PAK3: variants seen among roughly 807,000 people sequenced by gnomAD.
PAK3 encodes p21 (RAC1) activated kinase 3, also known as serine/threonine-protein kinase PAK 3.
A neutral mutation model predicts 41.0 loss-of-function variants in PAK3; 4 were observed. The observed-to-expected ratio is 0.10, with a 90% CI of 0.05 to 0.22. The LOEUF is 0.22. Among genes scored for constraint, PAK3 ranks in the 10% least tolerant of loss-of-function variants. The pLI is 1.00. For synonymous variants in PAK3, 146 were observed against 139.6 expected, an observed-to-expected ratio of 1.05 and a Z score of -0.32; for missense variants, 205 against 409.9, an observed-to-expected ratio of 0.50 and a Z score of 4.32.
chrX:111,194,207 A>G, intron 13 of PAK3, 94 bp from the exon 14 acceptor site: 2 of 595,856 alleles, frequency 3.4e-6, no homozygotes, highest in South Asian at 2.2e-5. Context: ...AGCACAACTC[A>G]GAGTTGACTT....
intron 16 of PAK3, among the ~76,000 whole-genome samples, chrX:111,204,627 G>A (rs1277507922): frequency 9.0e-6 from 1 of 111,120 alleles, no homozygotes; most frequent in African/African-American, 3.3e-5. Context: ...TTGTCATTTT[G>A]ATTGATACCT....
chrX:111,069,677 G>A (rs1431668772), intron 1 of PAK3, among the ~76,000 whole-genome samples: 1 of 109,519 alleles, frequency 9.1e-6, no homozygotes, highest in Non-Finnish European at 1.9e-5. Flanking sequence ...CCTTTAGACT[G>A]CTTTCATGGT....
intron 1 of PAK3, among the ~76,000 whole-genome samples, chrX:110,990,321 G>C (rs2091620292): frequency 8.9e-6 from 1 of 112,128 alleles, no homozygotes; most frequent in Admixed American, 9.5e-5. Flanking sequence ...AACGATGAGG[G>C]TATAGTATCA....
At chrX:110,978,286 C>T (rs981296413) in intron 1 of PAK3, among the ~76,000 whole-genome samples, 1 of 110,158 alleles carries the variant, frequency 9.1e-6, no homozygotes, top group African/African-American at 3.3e-5. Flanking sequence ...TTTCATTTGG[C>T]TATTTTTTTG....
intron 1 of PAK3, among the ~76,000 whole-genome samples, chrX:111,018,953 T>C (rs936743673): frequency 9.0e-6 from 1 of 111,617 alleles, no homozygotes; most frequent in African/African-American, 3.3e-5. Context: ...GGTACCTTTT[T>C]GTACCCTTTT....
intron 1 of PAK3, among the ~76,000 whole-genome samples, chrX:110,971,467 T>A (rs1387341965): frequency 8.9e-6 from 1 of 112,415 alleles, no homozygotes; most frequent in Non-Finnish European, 1.9e-5. Flanking sequence ...GCACATACCA[T>A]AATTTGTTTA....
At chrX:110,949,390 T>A (rs904556522) in intron 1 of PAK3, among the ~76,000 whole-genome samples, 2 of 111,875 alleles carry the variant, frequency 1.8e-5, no homozygotes, top group Non-Finnish European at 3.8e-5. Flanking sequence ...GATTTGATCA[T>A]CCTAGTCCTT....
At chrX:110,956,048 A>G (rs1331619211) in intron 1 of PAK3, among the ~76,000 whole-genome samples, 1 of 111,876 alleles carries the variant, frequency 8.9e-6, no homozygotes, top group Non-Finnish European at 1.9e-5. Context: ...TAATATTAGT[A>G]CTTACCTCAC....
At chrX:111,138,239 C>T (rs762899993) in intron 5 of PAK3, among the ~76,000 whole-genome samples, 12 of 110,664 alleles carry the variant, frequency 1.1e-4, no homozygotes, top group Non-Finnish European at 1.9e-4. Flanking sequence ...CCTCATATGA[C>T]TGTTGCGGAG....
Position 111,059,539 on chromosome X carries a change from A to G in PAK3, c.-27-63538A>G, listed in dbSNP as rs149776771. On this transcript the variant is annotated intron_variant, in intron 1 of 14. Transcript: ENST00000425146. ...ATAGGTCAATTTGAAGAGTGTTGCC[A>G]TGTTAATGTTAAACCTTCCAATCCA... Among the ~76,000 whole-genome samples the G allele has an allele frequency of 9.0e-5, 10 of 111,395 alleles. No homozygotes were observed. The East Asian group carries it at 2.6e-3, about 29-fold the overall frequency.
intron 5 of PAK3, among the ~76,000 whole-genome samples, chrX:111,140,684 T>C (rs948788598): frequency 5.4e-5 from 6 of 111,544 alleles, no homozygotes; most frequent in Non-Finnish European, 1.1e-4. Flanking sequence ...ATGTGCTCCA[T>C]GGCCAGACAA....
intron 4 of PAK3, among the ~76,000 whole-genome samples, chrX:111,105,536 A>G (rs2093241302): frequency 8.9e-6 from 1 of 111,911 alleles, no homozygotes; most frequent in East Asian, 2.8e-4. Flanking sequence ...ACAAACGTGC[A>G]TACATGCTCA....
chrX:111,152,091 TA>T (rs1284534076), intron 7 of PAK3, among the ~76,000 whole-genome samples: 2 of 112,333 alleles, frequency 1.8e-5, no homozygotes, highest in Non-Finnish European at 3.8e-5. Context: ...AAACTTCAGA[TA>T]GGGGGGACTA....
intron 1 of PAK3, among the ~76,000 whole-genome samples, chrX:110,981,780 C>T (rs1336642344): frequency 2.7e-5 from 3 of 111,472 alleles, no homozygotes; most frequent in Non-Finnish European, 5.6e-5. Context: ...GTACTTCTGA[C>T]CCACAGAAAC....
chrX:111,011,818 G>C (rs2092015538), intron 1 of PAK3, among the ~76,000 whole-genome samples: 1 of 112,389 alleles, frequency 8.9e-6, no homozygotes, highest in South Asian at 3.7e-4. Context: ...GGGATTGTGA[G>C]ATATATGTTT....
At chrX:111,163,525 C>T (rs1036599639) in intron 9 of PAK3, 37 bp from the exon 10 acceptor site, 2 of 1,055,205 alleles carry the variant, frequency 1.9e-6, no homozygotes, top group African/African-American at 1.8e-5. Context: ...TTTCCTTGGC[C>T]TGCTGTTTTA....
intron 7 of PAK3, 90 bp from the exon 8 acceptor site, chrX:111,152,320 G>A: frequency 1.6e-6 from 1 of 610,106 alleles, no homozygotes; most frequent in Non-Finnish European, 2.8e-6. Flanking sequence ...TTGAAATCAT[G>A]CAGTTTTTTA....
At chrX:111,012,640 A>G (rs1352713684) in intron 1 of PAK3, among the ~76,000 whole-genome samples, 2 of 112,691 alleles carry the variant, frequency 1.8e-5, no homozygotes, top group Non-Finnish European at 3.7e-5. Flanking sequence ...GATGAGGAAC[A>G]TCAATCTGCT....
chrX:111,095,929 T>C (rs2092973494), upstream of PAK3, among the ~76,000 whole-genome samples: 1 of 111,450 alleles, frequency 9.0e-6, no homozygotes, highest in African/African-American at 3.3e-5. Context: ...CCCTCTTTTT[T>C]GATGGCCCCA....
Sources: allele counts gnomAD v4.1 joint callset (sites outside exome capture counted in the v4.1 genomes callset), GRCh38; gene constraint gnomAD v4.1.1; transcripts MANE v1.5; gene names NCBI Gene and HGNC (gene_info 2026-07-23, HGNC 2026-07-21).